Variants in UMODL1 observed in about 807,000 individuals in gnomAD.
UMODL1 encodes the protein uromodulin like 1.
Under a neutral mutation model 136.3 loss-of-function variants are expected in UMODL1, and 128 were observed. That is an observed-to-expected ratio of 0.94 (90% CI 0.81 to 1.09). The LOEUF (loss-of-function observed/expected upper bound fraction) is 1.09. Among genes scored for constraint, UMODL1 ranks in the 50% least tolerant of loss-of-function variants. The pLI is 0.00. For missense variants in UMODL1, 1,766 were observed against 1,725.6 expected (o/e 1.02, Z -0.41); for synonymous variants, 721 against 720.0 (o/e 1.00, Z -0.02).
chr21:42,127,357 C>A (rs1374355824), intron 19 of UMODL1, 115 bp downstream of exon 19: 1 of 1,033,280 alleles, frequency 9.7e-7, no homozygotes, highest in Non-Finnish European at 1.5e-6. Flanking sequence ...GCTTCATTAA[C>A]AATAGGTAGG....
chr21:42,112,092 T>A (rs2066839882), intron 12 of UMODL1, among the ~76,000 whole-genome samples: 1 of 150,096 alleles, frequency 6.7e-6, no homozygotes, highest in African/African-American at 2.4e-5. Context: ...CCGGCCCCGA[T>A]CAGTGTGATG....
chr21:42,094,566 G>T (rs2066530949), intron 6 of UMODL1, among the ~76,000 whole-genome samples: 1 of 152,156 alleles, frequency 6.6e-6, no homozygotes, highest in Admixed American at 6.5e-5. Flanking sequence ...CCACATTTAA[G>T]GGGGACACTG....
At chr21:42,119,662 G>A (rs1243204433) in intron 15 of UMODL1, among the ~76,000 whole-genome samples, 1 of 152,122 alleles carries the variant, frequency 6.6e-6, no homozygotes, top group Non-Finnish European at 1.5e-5. Flanking sequence ...CCCAAGCATA[G>A]TTCCCAAGGA....
intron 4 of UMODL1, chr21:42,086,456 T>C (rs2066427788): frequency 2.2e-6 from 1 of 450,518 alleles, no homozygotes; most frequent in South Asian, 1.6e-5. Flanking sequence ...TGCTGGCCAG[T>C]GAGCTGCTAG....
At chr21:42,106,049 G>A (rs773425347) in intron 9 of UMODL1, among the ~76,000 whole-genome samples, 2 of 152,176 alleles carry the variant, frequency 1.3e-5, no homozygotes, top group East Asian at 1.9e-4. Context: ...GTGCTGGTGC[G>A]GGCAGGTCTC....
At position 42,088,432 on chromosome 21, in the gene UMODL1, G is replaced by C; in HGVS notation, c.742G>C (p.Gly248Arg). 1 of 1,613,560 alleles carries C rather than the reference G, an allele frequency of 6.2e-7. No homozygotes were observed. Among genetic ancestry groups the C allele is most frequent in the Non-Finnish European group, 8.5e-7 (1 of 1,179,606 alleles). The stretch of plus-strand genomic sequence containing the variant: ...TGTGGCTGACGTCTCCACCCTGCTG[G>C]GTGACATTGCGAAGCGTGTCTATGA... ...LPVADVSTLL[G>R]DIAKRVYEVI... The change falls in exon 5 of 23, where the codon GGT becomes CGT. Residue 248 changes from glycine (G) to arginine (R), a missense_variant. Coordinates refer to ENST00000408910, the MANE Select transcript of UMODL1 (RefSeq NM_001004416.3).
intron 14 of UMODL1, among the ~76,000 whole-genome samples, chr21:42,118,179 C>G (rs1371264436): frequency 6.6e-6 from 1 of 152,178 alleles, no homozygotes. Flanking sequence ...AAGACTATGC[C>G]AGATTCCTCT....
intron 7 of UMODL1, chr21:42,101,800 G>A: frequency 2.2e-6 from 1 of 453,844 alleles, no homozygotes; most frequent in Non-Finnish European, 4.4e-6. Flanking sequence ...TTGGGGGCCT[G>A]AGTAAGGGCC....
intron 22 of UMODL1, among the ~76,000 whole-genome samples, chr21:42,140,759 G>A (rs2067271015): frequency 1.3e-5 from 2 of 152,208 alleles, no homozygotes; most frequent in African/African-American, 4.8e-5. Flanking sequence ...CCGGGAGGCA[G>A]GTGCTGCTGC....
chr21:42,119,331 G>A lies in UMODL1; in HGVS notation c.2689+7G>A, dbSNP rs554854004. 1 of 1,612,972 alleles carries A rather than the reference G, an allele frequency of 6.2e-7. No homozygotes were observed. The highest frequency in any genetic ancestry group is 1.1e-5 in the South Asian group (1 of 91,074). ...GGCGACACCTTCATACAGGGTACGA[G>A]AGGCTGGGATGGAGCCTCTCCCGTG... On this transcript the variant is annotated splice_region_variant and intron_variant, in intron 15 of 22. Transcript: ENST00000408910.
intron 1 of UMODL1, among the ~76,000 whole-genome samples, 185 bp from the exon 2 acceptor site, chr21:42,075,820 C>A (rs2066283446): frequency 6.6e-6 from 1 of 152,276 alleles, no homozygotes; most frequent in Middle Eastern, 3.2e-3. Context: ...ACTCATGCAA[C>A]AGCCTTCCTG....
chr21:42,094,178 C>T (rs2066525966), intron 6 of UMODL1, among the ~76,000 whole-genome samples: 1 of 152,200 alleles, frequency 6.6e-6, no homozygotes, highest in South Asian at 2.1e-4. Context: ...CTCGAGCGAC[C>T]GCCAAACACA....
At position 42,088,335 on chromosome 21, in the gene UMODL1, C is replaced by T; in HGVS notation, c.645C>T (p.His215=). ...AACCAATGGCCTCCACCGTCCACCA[C>T]CTGCACTCAGCCCCTGGGAACGCCT... is the stretch of plus-strand genomic sequence containing the variant. The part of the protein sequence containing the change: ...ALQPMASTVH[H]LHSAPGNAST... The change falls in exon 5 of 23, where the codon CAC becomes CAT. Residue 215 remains histidine (H), a synonymous_variant. Coordinates refer to ENST00000408910, the MANE Select transcript of UMODL1 (RefSeq NM_001004416.3). The T allele has an allele frequency of 6.2e-7, 1 of 1,613,918 alleles. No individual in the cohort carries two copies. The highest frequency in any genetic ancestry group is 8.5e-7 in the Non-Finnish European group (1 of 1,179,988).
intron 2 of UMODL1, among the ~76,000 whole-genome samples, chr21:42,077,017 GT>G (rs1181582810): frequency 9.1e-6 from 1 of 109,594 alleles, no homozygotes; most frequent in Non-Finnish European, 1.7e-5. Context: ...GTGTGTGTGT[GT>G]GTGTGTGTGT....
At chr21:42,073,062 A>G (rs1009258266) in intron 1 of UMODL1, among the ~76,000 whole-genome samples, 3 of 152,196 alleles carry the variant, frequency 2.0e-5, no homozygotes, top group Admixed American at 2.0e-4. Flanking sequence ...GCATGTGTGC[A>G]GGACGGCTCT....
At chr21:42,130,870 T>C (rs78081049) in intron 21 of UMODL1, among the ~76,000 whole-genome samples, 8,157 of 150,602 alleles carry the variant, frequency 0.054, 352 homozygotes, top group East Asian at 0.23. Flanking sequence ...AGTGCAGTGG[T>C]GCGATCTCAG....
chr21:42,088,599 C>T (rs2066455396), intron 5 of UMODL1, 119 bp downstream of exon 5: 1 of 1,073,604 alleles, frequency 9.3e-7, no homozygotes, highest in Non-Finnish European at 1.3e-6. Flanking sequence ...GGTTTAAGTT[C>T]AGGAGCAAAA....
Position 42,137,573 on chromosome 21 carries a change from T to C in UMODL1, c.3910T>C (p.Phe1304Leu). ...RYQRMNGRYNFKIQSNNFSYQ... is the reference protein window; with the variant it reads ...RYQRMNGRYNLKIQSNNFSYQ... ...CCAGAGAATGAATGGGAGATACAAC[T>C]TTAAAATCCAGTCCAACAACTTCAG... is the stretch of plus-strand genomic sequence containing the variant. Residue 1304 changes from phenylalanine to leucine, a missense_variant, in exon 22 of 23, where the codon TTT becomes CTT. By Grantham distance (22) the Phe-to-Leu change is conservative. Transcript: ENST00000408910. 2 of 1,614,164 alleles carry C rather than the reference T, an allele frequency of 1.2e-6. No homozygotes were observed. The highest frequency in any genetic ancestry group is 1.6e-4 in the Middle Eastern group (1 of 6,062).
chr21:42,119,698 A>C (rs1226409109), intron 15 of UMODL1, among the ~76,000 whole-genome samples: 2 of 152,222 alleles, frequency 1.3e-5, no homozygotes, highest in African/African-American at 4.8e-5. Context: ...AATTAACGAG[A>C]AAAGCAGGGA....
Sources: gnomAD v4.1 joint callset for allele counts (sites outside exome capture counted in the v4.1 genomes callset) on GRCh38, gnomAD v4.1.1 for gene constraint, MANE v1.5 for transcripts, NCBI Gene and HGNC (gene_info 2026-07-23, HGNC 2026-07-21) for gene names.